VPS13B: variants seen among roughly 807,000 people sequenced by gnomAD.
VPS13B encodes intermembrane lipid transfer protein VPS13B.
In VPS13B, 285 loss-of-function variants were observed where a neutral mutation model predicts 426.4. The observed-to-expected ratio is 0.67, with a 90% CI of 0.61 to 0.74. The LOEUF is 0.74. Ranked by LOEUF, VPS13B falls within the 30% of genes least tolerant of loss-of-function variation. VPS13B has a pLI of 0.00. For missense variants in VPS13B, 4,537 were observed against 4,782.6 expected, an observed-to-expected ratio of 0.95 and a Z score of 1.51; for synonymous variants, 1,676 against 1,676.4, an observed-to-expected ratio of 1.00 and a Z score of 0.01.
chr8:99,817,883 T>G lies in VPS13B; in HGVS notation c.8361+80T>G. The G allele has an allele frequency of 1.9e-6, 3 of 1,599,934 alleles. No homozygotes were observed. In the South Asian group the frequency reaches 3.3e-5, roughly 18 times the overall value. ...AAAATGTTCTTTACTCGTACAGCAC[T>G]TAATTTATTAAAAAGTGACATATAA... is the stretch of plus-strand genomic sequence containing the variant. On this transcript the variant is annotated intron_variant, in intron 45 of 61. Coordinates refer to ENST00000357162, the MANE Select transcript of VPS13B (RefSeq NM_152564.5).
Position 99,868,317 on chromosome 8 carries a change from G to A in VPS13B, c.11244G>A (p.Pro3748=), listed in dbSNP as rs375229257. Residue 3748 remains proline (P), a synonymous_variant, in exon 59 of 62, where the codon CCG becomes CCA. Coordinates refer to ENST00000357162, the MANE Select transcript of VPS13B (RefSeq NM_152564.5). ...LGAIAGIVDQ[P]MQNFQKTSEA... ...CAATTGCTGGTATAGTTGATCAGCC[G>A]ATGCAGAACTTCCAGAAAACATCTG... 106 of 1,614,094 alleles carry A rather than the reference G, an allele frequency of 6.6e-5. No homozygotes were observed. The African/African-American group carries it at 9.5e-4, about 14-fold the overall frequency.
At chr8:99,502,354 TTTA>T (rs1821294083) in intron 26 of VPS13B, among the ~76,000 whole-genome samples, 2 of 152,212 alleles carry the variant, frequency 1.3e-5, no homozygotes, top group African/African-American at 4.8e-5. Context: ...TTAAATGTAA[TTTA>T]TTATTGTCAT....
In VPS13B at chr8:99,139,434, CT is replaced by C. The variant is rs368548690; in HGVS notation, c.1651+2699del. Reference sequence around the variant, plus strand: ...TTTATAACTATTCTGTTGATATTTCCTTTTTTTTTTTTTTTTTGTTTGAGAC... The same window carrying C: ...TTTATAACTATTCTGTTGATATTTCCTTTTTTTTTTTTTTTTGTTTGAGAC... On this transcript the variant is annotated intron_variant, in intron 12 of 61. Coordinates refer to ENST00000357162, the MANE Select transcript of VPS13B (RefSeq NM_152564.5). 4.0e-3 allele frequency among the ~76,000 whole-genome samples: 536 copies of C among 135,620 alleles called. 1 individual carries two copies. The highest frequency in any genetic ancestry group is 8.0e-3 in the African/African-American group (299 of 37,214). The allele number at this position is 135,620 out of a possible 152,430, so 89.0% of individuals were successfully genotyped here. A position where few individuals can be genotyped will look rare whatever the true frequency, so the allele number is the denominator to read the frequency against.
chr8:99,364,753 G>A (rs548325989), intron 19 of VPS13B, among the ~76,000 whole-genome samples: 21 of 152,194 alleles, frequency 1.4e-4, no homozygotes, highest in African/African-American at 4.8e-4. Flanking sequence ...TTTTTGATGT[G>A]TCTTTGTCTG....
chr8:99,590,302 A>AT (rs1433435572), intron 33 of VPS13B, among the ~76,000 whole-genome samples: 18 of 151,916 alleles, frequency 1.2e-4, no homozygotes. Context: ...GGATTCATTG[A>AT]TTTTTTGAAG....
intron 6 of VPS13B, among the ~76,000 whole-genome samples, chr8:99,114,960 G>A (rs1273604297): frequency 6.6e-6 from 1 of 152,054 alleles, no homozygotes; most frequent in Non-Finnish European, 1.5e-5. Flanking sequence ...TTTAAGGAGA[G>A]CTTTGATTGC....
At chr8:99,125,906 G>T (rs921737165) in intron 8 of VPS13B, among the ~76,000 whole-genome samples, 5 of 152,056 alleles carry the variant, frequency 3.3e-5, no homozygotes, top group Admixed American at 6.6e-5. Context: ...GAAATAGCTG[G>T]TTGGGGTTGT....
chr8:99,082,295 T>G (rs1332148490), intron 3 of VPS13B, among the ~76,000 whole-genome samples: 1 of 152,224 alleles, frequency 6.6e-6, no homozygotes, highest in Non-Finnish European at 1.5e-5. Flanking sequence ...CTTTGCCCAC[T>G]TTTTGATGGA....
intron 4 of VPS13B, among the ~76,000 whole-genome samples, chr8:99,097,789 C>G (rs1340621545): frequency 6.6e-6 from 1 of 152,004 alleles, no homozygotes; most frequent in Non-Finnish European, 1.5e-5. Flanking sequence ...ATATAGTTCT[C>G]CAGAAGATAC....
At chr8:99,501,573 A>G in intron 25 of VPS13B, 114 bp from the exon 26 acceptor site, 1 of 1,005,780 alleles carries the variant, frequency 9.9e-7, no homozygotes, top group Admixed American at 2.2e-5. Context: ...TATCATTTGC[A>G]TGTAAGATGT....
intron 51 of VPS13B, among the ~76,000 whole-genome samples, chr8:99,825,786 A>C (rs1384200690): frequency 6.6e-6 from 1 of 152,228 alleles, no homozygotes; most frequent in Non-Finnish European, 1.5e-5. Flanking sequence ...TTTTCTGCAT[A>C]TGGCTAGCGA....
chr8:99,624,061 T>C (rs1488752395), intron 33 of VPS13B, among the ~76,000 whole-genome samples: 1 of 126,024 alleles, frequency 7.9e-6, no homozygotes, highest in African/African-American at 3.1e-5. Context: ...ACTGACCCAA[T>C]AGCAAATGAA....
chr8:99,454,099 G>C (rs886631230), intron 23 of VPS13B, among the ~76,000 whole-genome samples: 4 of 152,012 alleles, frequency 2.6e-5, no homozygotes, highest in Non-Finnish European at 2.9e-5. Flanking sequence ...CATATAATTG[G>C]CATCAAACAG....
intron 3 of VPS13B, among the ~76,000 whole-genome samples, chr8:99,067,155 A>C (rs2132320253): frequency 6.6e-6 from 1 of 152,316 alleles, no homozygotes; most frequent in South Asian, 2.1e-4. Context: ...ATATACCCAA[A>C]AGAATATAAA....
At chr8:99,430,491 GT>G (rs2133408729) in intron 21 of VPS13B, among the ~76,000 whole-genome samples, 1 of 152,128 alleles carries the variant, frequency 6.6e-6, no homozygotes, top group Admixed American at 6.5e-5. Flanking sequence ...AAATGAAACT[GT>G]TTAGTTATAA....
intron 6 of VPS13B, among the ~76,000 whole-genome samples, chr8:99,114,714 TC>T (rs1178622857): frequency 6.6e-6 from 1 of 152,170 alleles, no homozygotes; most frequent in Non-Finnish European, 1.5e-5. Context: ...TATTTCACAG[TC>T]CCCCCATATA....
rs1811750212 is a variant in VPS13B at position 99,349,475 on chromosome 8, A to T, written c.2825-34733A>T. 2.6e-5 allele frequency among the ~76,000 whole-genome samples: 4 copies of T among 152,296 alleles called. No individual in the cohort carries two copies. In the South Asian group the frequency reaches 8.3e-4, roughly 32 times the overall value. ...AAATCTAGAATCCATAATGGAGAAA[A>T]TCACATTTAGCACAGTATGTATTTT... On this transcript the variant is annotated intron_variant, in intron 19 of 61. Coordinates refer to ENST00000357162, the MANE Select transcript of VPS13B (RefSeq NM_152564.5).
At chr8:99,284,766 G>T (rs1563646709) in intron 19 of VPS13B, among the ~76,000 whole-genome samples, 1 of 151,696 alleles carries the variant, frequency 6.6e-6, no homozygotes, top group Non-Finnish European at 1.5e-5. Context: ...CCACTATGTT[G>T]CCCAGGTTGG....
At chr8:99,369,916 T>G (rs912524675) in intron 19 of VPS13B, among the ~76,000 whole-genome samples, 1 of 152,198 alleles carries the variant, frequency 6.6e-6, no homozygotes, top group Non-Finnish European at 1.5e-5. Flanking sequence ...AGTATTACCC[T>G]GAAACATTGG....
Sources: gnomAD v4.1 joint callset for allele counts (sites outside exome capture counted in the v4.1 genomes callset) on GRCh38, gnomAD v4.1.1 for gene constraint, MANE v1.5 for transcripts, NCBI Gene and HGNC (gene_info 2026-07-23, HGNC 2026-07-21) for gene names.